The following MACROD2 variants were observed in gnomAD, a reference collection of about 807,000 sequenced individuals.
MACROD2 encodes the protein ADP-ribose glycohydrolase MACROD2.
MACROD2 carries 36 observed loss-of-function variants against 70.4 expected under a neutral mutation model. The ratio of observed to expected loss-of-function variants is 0.51; its 90% confidence interval spans 0.39 to 0.68. The LOEUF is 0.68. Among genes scored for constraint, MACROD2 ranks in the 30% least tolerant of loss-of-function variants. The pLI, the probability that MACROD2 is intolerant of heterozygous loss-of-function variation, is 0.00. For synonymous variants in MACROD2, 172 were observed against 178.8 expected, an observed-to-expected ratio of 0.96 and a Z score of 0.30; for missense variants, 496 against 538.4, an observed-to-expected ratio of 0.92 and a Z score of 0.78.
chr20:14,746,425 A>G (rs1406311971), intron 5 of MACROD2, among the ~76,000 whole-genome samples: 3 of 152,176 alleles, frequency 2.0e-5, no homozygotes, highest in Admixed American at 6.5e-5. Context: ...GTTTAGTGTA[A>G]AAGGAGAGAA....
chr20:15,661,706 A>G (rs1035176008), intron 8 of MACROD2, among the ~76,000 whole-genome samples: 3 of 152,218 alleles, frequency 2.0e-5, no homozygotes, highest in Admixed American at 6.5e-5. Context: ...TTTACAGGGC[A>G]GTACCCACAT....
chr20:14,600,353 C>G (rs1396446022), intron 4 of MACROD2, among the ~76,000 whole-genome samples: 2 of 119,690 alleles, frequency 1.7e-5, no homozygotes, highest in Admixed American at 9.0e-5. Context: ...TACACACACA[C>G]ACACACACAC....
intron 8 of MACROD2, among the ~76,000 whole-genome samples, chr20:15,584,080 C>T (rs944514736): frequency 4.6e-5 from 7 of 152,196 alleles, no homozygotes; most frequent in African/African-American, 1.7e-4. Context: ...AAAGAGTCTT[C>T]CAAACGACTC....
chr20:14,256,746 A>G (rs2082060015), intron 3 of MACROD2, among the ~76,000 whole-genome samples: 1 of 152,154 alleles, frequency 6.6e-6, no homozygotes, highest in Non-Finnish European at 1.5e-5. Flanking sequence ...TTTAAGCCCC[A>G]GAATCTTTTG....
At chr20:14,107,266 CAG>C (rs141924325) in intron 3 of MACROD2, among the ~76,000 whole-genome samples, 2,184 of 152,240 alleles carry the variant, frequency 0.014, 48 homozygotes, top group African/African-American at 0.05. Context: ...AAGAATTCAT[CAG>C]AGTCTCTTCT....
chr20:14,468,974 A>G (rs2084494005), intron 3 of MACROD2, among the ~76,000 whole-genome samples: 2 of 152,144 alleles, frequency 1.3e-5, no homozygotes, highest in Admixed American at 1.3e-4. Flanking sequence ...TGATCCTGGC[A>G]TTATGATGCT....
chr20:14,752,165 T>C (rs2071881413), intron 5 of MACROD2, among the ~76,000 whole-genome samples: 2 of 151,546 alleles, frequency 1.3e-5, no homozygotes, highest in African/African-American at 4.9e-5. Context: ...CAAATAAAGC[T>C]GAAGCAGAGA....
At chr20:15,447,142 T>C (rs1433697345) in intron 7 of MACROD2, among the ~76,000 whole-genome samples, 1 of 151,574 alleles carries the variant, frequency 6.6e-6, no homozygotes. Context: ...CAGGCCTCAC[T>C]CCCAACTACC....
chr20:15,123,300 G>A (rs2123254521), intron 5 of MACROD2, among the ~76,000 whole-genome samples: 1 of 152,168 alleles, frequency 6.6e-6, no homozygotes, highest in African/African-American at 2.4e-5. Context: ...GAGACCAGAA[G>A]GAAGAAATTT....
At chr20:15,169,765 T>C (rs1409210950) in intron 5 of MACROD2, among the ~76,000 whole-genome samples, 2 of 152,206 alleles carry the variant, frequency 1.3e-5, no homozygotes, top group Admixed American at 1.3e-4. Flanking sequence ...ACAAATGACC[T>C]GAAAGCTTTT....
chr20:16,030,211 T>G (rs1184352979), intron 15 of MACROD2, among the ~76,000 whole-genome samples: 3 of 152,128 alleles, frequency 2.0e-5, no homozygotes, highest in Non-Finnish European at 4.4e-5. Flanking sequence ...ACTATGGAAG[T>G]CCAAGATGGC....
At chr20:15,212,563 G>T (rs1273691768) in intron 5 of MACROD2, among the ~76,000 whole-genome samples, 1 of 152,132 alleles carries the variant, frequency 6.6e-6, no homozygotes, top group East Asian at 1.9e-4. Context: ...CGACAACAGG[G>T]CAAGGCAAGC....
At chr20:15,302,932 G>C (rs1357985605) in intron 6 of MACROD2, among the ~76,000 whole-genome samples, 2 of 152,106 alleles carry the variant, frequency 1.3e-5, no homozygotes, top group African/African-American at 4.8e-5. Context: ...CCTTATTCAA[G>C]TTACTTAACC....
intron 4 of MACROD2, among the ~76,000 whole-genome samples, chr20:14,567,986 C>T (rs1023509195): frequency 5.3e-5 from 8 of 151,950 alleles, no homozygotes; most frequent in African/African-American, 1.4e-4. Context: ...TTCTGGGTTA[C>T]CAGAGCACAT....
At chr20:15,863,629 C>T (rs2147166156) in intron 9 of MACROD2, among the ~76,000 whole-genome samples, 1 of 152,302 alleles carries the variant, frequency 6.6e-6, no homozygotes, top group East Asian at 1.9e-4. Context: ...ACTTGCCTTT[C>T]AGAGAGCTTT....
intron 8 of MACROD2, among the ~76,000 whole-genome samples, chr20:15,704,220 G>A (rs748673351): frequency 9.2e-5 from 14 of 151,534 alleles, no homozygotes; most frequent in Middle Eastern, 3.4e-3. Flanking sequence ...CATCTTCCCC[G>A]TGACACCTTC....
chr20:14,049,722 C>T (rs1452334281), intron 2 of MACROD2, among the ~76,000 whole-genome samples: 6 of 151,458 alleles, frequency 4.0e-5, no homozygotes, highest in African/African-American at 1.5e-4. Context: ...CATTATTGTA[C>T]TCCAGCCTGG....
chr20:14,648,882 A>G (rs1568719124), intron 4 of MACROD2, among the ~76,000 whole-genome samples: 1 of 152,176 alleles, frequency 6.6e-6, no homozygotes, highest in Non-Finnish European at 1.5e-5. Flanking sequence ...TTAATCTGTT[A>G]TTCTTAGTGA....
chr20:15,039,725 G>A (rs1182877336), intron 5 of MACROD2, among the ~76,000 whole-genome samples: 3 of 152,094 alleles, frequency 2.0e-5, no homozygotes, highest in African/African-American at 4.8e-5. Context: ...GAAATCAACT[G>A]GAGACAGCAG....
Sources: gnomAD v4.1 joint callset for allele counts (sites outside exome capture counted in the v4.1 genomes callset) on GRCh38, gnomAD v4.1.1 for gene constraint, MANE v1.5 for transcripts, NCBI Gene and HGNC (gene_info 2026-07-23, HGNC 2026-07-21) for gene names.